Variants in FAM228B observed in about 807,000 individuals in gnomAD.
The protein encoded by FAM228B is protein FAM228B.
FAM228B carries 38 observed loss-of-function variants against 42.6 expected under a neutral mutation model. The observed-to-expected ratio is 0.89, with a 90% CI of 0.69 to 1.17. FAM228B has a LOEUF of 1.17. Ranked by LOEUF, FAM228B falls within the 50% of genes most tolerant of loss-of-function variation. The pLI, the probability that FAM228B is intolerant of heterozygous loss-of-function variation, is 0.00. For synonymous variants in FAM228B, 109 were observed against 122.3 expected (o/e 0.89, Z 0.72); for missense variants, 344 against 367.3 (o/e 0.94, Z 0.52).
intron 3 of FAM228B, among the ~76,000 whole-genome samples, chr2:24,100,529 T>C (rs370386319): frequency 2.0e-5 from 3 of 151,126 alleles, no homozygotes; most frequent in African/African-American, 4.9e-5. Context: ...TCATCACTGG[T>C]CATCAGAGAA....
At chr2:24,119,134 A>G (rs1480835548), upstream of FAM228B, among the ~76,000 whole-genome samples, 1 of 151,184 alleles carries the variant, frequency 6.6e-6, no homozygotes, top group Non-Finnish European at 1.5e-5. Flanking sequence ...TATAGGGTAG[A>G]CCCCCAGCAG....
intron 2 of FAM228B, among the ~76,000 whole-genome samples, chr2:24,087,057 A>C (rs1383465595): frequency 6.6e-6 from 1 of 152,168 alleles, no homozygotes. Flanking sequence ...AATAATACCA[A>C]CCACTAAGTA....
At chr2:24,121,229 T>A, upstream of FAM228B, 2 of 1,614,194 alleles carry the variant, frequency 1.2e-6, no homozygotes, top group Non-Finnish European at 1.7e-6. Flanking sequence ...TGAAATACAG[T>A]CCTTCTCTTC....
Position 24,077,733 on chromosome 2 carries a change from G to A in FAM228B, c.-290+764G>A. 2 of 1,613,912 alleles carry A rather than the reference G, an allele frequency of 1.2e-6. No individual in the cohort carries two copies. The highest frequency in any genetic ancestry group is 2.2e-5 in the South Asian group (2 of 91,070). On this transcript the variant is annotated intron_variant, in intron 1 of 10. Transcript: ENST00000613899. This position sits in a 1 kb window ranked among gnomAD's most constrained non-coding sequence, Gnocchi z 5.5. Reference sequence around the variant, plus strand: ...GGAGAAGTGAGGCAGAATTTGCTCCGTGAAAGCATTCACCAGCATTTGCTT... The same window carrying A: ...GGAGAAGTGAGGCAGAATTTGCTCCATGAAAGCATTCACCAGCATTTGCTT...
chr2:24,129,851 G>A (rs886989198), intron 2 of FAM228B, among the ~76,000 whole-genome samples: 6 of 151,866 alleles, frequency 4.0e-5, no homozygotes, highest in Non-Finnish European at 8.8e-5. Flanking sequence ...AGTGCAGGAC[G>A]TGCAGGTTTG....
chr2:24,138,031 C>T lies in FAM228B; in HGVS notation c.291C>T (p.Cys97=), dbSNP rs979681716. Residue 97 remains cysteine, a synonymous_variant, in exon 4 of 11, where the codon TGC becomes TGT. Transcript: ENST00000615575. ...AGAAGAAAATTATAGAAAAAGTTTGCTCACATAAGAAGATTAAAAAAAGGA... is the reference window on the plus strand; with the variant it reads ...AGAAGAAAATTATAGAAAAAGTTTGTTCACATAAGAAGATTAAAAAAAGGA... ...PLQKKIIEKV[C]SHKKIKKRRQ... is the part of the protein sequence containing the mutation. 3.2e-6 allele frequency: 5 copies of T among 1,546,452 alleles called. No individual in the cohort carries two copies. The African/African-American group carries it at 5.5e-5, about 17-fold the overall frequency.
At chr2:24,108,085 A>C (rs1379119659) in intron 3 of FAM228B, among the ~76,000 whole-genome samples, 1 of 152,206 alleles carries the variant, frequency 6.6e-6, no homozygotes, top group Non-Finnish European at 1.5e-5. Context: ...AGAAATTACA[A>C]AGAGGAGGTT....
Position 24,139,438 on chromosome 2 carries a change from CA to C in FAM228B, c.431del (p.Asn144IlefsTer3). Reference sequence around the variant, plus strand: ...CCTTTTATATGAGCAAGAAGGACCCCAATTTTCTGAAGGTAGGGTAGATTTC... The same window carrying C: ...CCTTTTATATGAGCAAGAAGGACCCCATTTTCTGAAGGTAGGGTAGATTTC... ...DPFYMSKKDP[N>X]FLKVTIPPFH... is the part of the protein sequence containing the mutation. On this transcript the variant is annotated frameshift_variant, in exon 5 of 11. Transcript: ENST00000615575. LOFTEE classifies it high-confidence loss of function. The C allele has an allele frequency of 6.5e-7, 1 of 1,543,906 alleles. No homozygotes were observed. Among genetic ancestry groups the C allele is most frequent in the South Asian group, 1.2e-5 (1 of 83,620 alleles).
At position 24,164,192 on chromosome 2, in the gene FAM228B, C is replaced by A; in HGVS notation, c.795-6C>A. On this transcript the variant is annotated splice_region_variant and splice_polypyrimidine_tract_variant and intron_variant, in intron 8 of 10. Transcript: ENST00000615575. ...GAATCCCTTCCTTTCTGGTTCCTTC[C>A]TGCAGAAACAAAGGGTCATCCTTTC... 6.5e-7 allele frequency: 1 copy of A among 1,545,626 alleles called. No individual in the cohort carries two copies. Among genetic ancestry groups the A allele is most frequent in the Non-Finnish European group, 8.7e-7 (1 of 1,143,770 alleles).
In FAM228B at chr2:24,138,945, CAAAAA is replaced by C. The variant is rs35466262; in HGVS notation, c.361-414_361-410del. On this transcript the variant is annotated intron_variant, in intron 4 of 10. Coordinates refer to ENST00000615575, the MANE Select transcript of FAM228B (RefSeq NM_001145710.2). The stretch of plus-strand genomic sequence containing the variant: ...TGGGTGATGGAGCAAGACTCTGTCT[CAAAAA>C]AAAAAAAAAATTATACTTACAAAAT... 2.2e-5 allele frequency among the ~76,000 whole-genome samples: 3 copies of C among 134,120 alleles called. No individual in the cohort carries two copies. In the East Asian group the frequency reaches 6.7e-4, roughly 30 times the overall value. The allele number at this position is 134,120 out of a possible 152,430, so 88.0% of individuals were successfully genotyped here. A position where few individuals can be genotyped will look rare whatever the true frequency, so the allele number is the denominator to read the frequency against.
At chr2:24,137,642 G>A (rs1015409989) in intron 3 of FAM228B, among the ~76,000 whole-genome samples, 2 of 152,098 alleles carry the variant, frequency 1.3e-5, no homozygotes, top group Non-Finnish European at 2.9e-5. Flanking sequence ...ATAGGCAGGC[G>A]CCACCTTGCC....
intron 3 of FAM228B, chr2:24,115,340 T>C (rs1326581536): frequency 4.0e-6 from 2 of 502,448 alleles, no homozygotes; most frequent in Non-Finnish European, 3.6e-6. Flanking sequence ...ATAGATATGC[T>C]CTGTGAAATG....
At chr2:24,144,492 G>T (rs531920652) in intron 5 of FAM228B, among the ~76,000 whole-genome samples, 2 of 152,276 alleles carry the variant, frequency 1.3e-5, no homozygotes, top group African/African-American at 4.8e-5. Context: ...CCAAAATAGC[G>T]AGTAGAAAAT....
upstream of FAM228B, among the ~76,000 whole-genome samples, chr2:24,121,706 G>A (rs1375500618): frequency 1.3e-5 from 2 of 152,114 alleles, no homozygotes; most frequent in African/African-American, 4.8e-5. Context: ...CCCTCCCTGC[G>A]AGCTGGGGGA....
Position 24,084,353 on chromosome 2 carries a change from G to T in FAM228B, c.-210+3398G>T. ...TTGTCTGAGGACACAGGGCAGGGCA[G>T]GGCAGGACAGGACAGGGCAGGGCAG... On this transcript the variant is annotated intron_variant, in intron 2 of 10. Coordinates refer to the FAM228B transcript ENST00000613899. This position sits in a 1 kb window ranked among gnomAD's most constrained non-coding sequence, Gnocchi z 8.4. 7.2e-7 allele frequency: 1 copy of T among 1,388,986 alleles called. No individual in the cohort carries two copies. 86.0% of individuals were successfully genotyped at this position (1,388,986 alleles called of 1,614,324 possible).
At chr2:24,092,942 A>G (rs1665421243) in intron 2 of FAM228B, among the ~76,000 whole-genome samples, 1 of 151,086 alleles carries the variant, frequency 6.6e-6, no homozygotes, top group Non-Finnish European at 1.5e-5. Flanking sequence ...ACACACACAC[A>G]CACACACACA....
At chr2:24,161,468 A>G in intron 7 of FAM228B, 38 bp from the exon 8 acceptor site, 1 of 1,236,462 alleles carries the variant, frequency 8.1e-7, no homozygotes, top group South Asian at 1.4e-5. Flanking sequence ...AATAAAAAAG[A>G]ACAAAAAAAC....
At position 24,169,287 on chromosome 2, in the gene FAM228B, G is replaced by A. The variant is rs778408720; in HGVS notation, c.*15-69G>A. ...GATCAGCTCAGCTTAGCTGGGGAAC[G>A]CTTTCTGCTCTCGTAAGCCCCTCAT... On this transcript the variant is annotated intron_variant, in intron 10 of 10. Coordinates refer to ENST00000615575, the MANE Select transcript of FAM228B (RefSeq NM_001145710.2). This position sits in a 1 kb window ranked among gnomAD's most constrained non-coding sequence, Gnocchi z 4.2. 7 of 427,912 alleles carry A rather than the reference G, an allele frequency of 1.6e-5. No individual in the cohort carries two copies. The highest frequency in any genetic ancestry group is 4.0e-5 in the African/African-American group (2 of 49,540). 26.5% of individuals were successfully genotyped at this position (427,912 alleles called of 1,614,324 possible).
intron 7 of FAM228B, among the ~76,000 whole-genome samples, chr2:24,154,337 TG>T (rs1296805629): frequency 2.0e-5 from 3 of 152,274 alleles, no homozygotes; most frequent in Non-Finnish European, 4.4e-5. Context: ...TATTTTCACA[TG>T]TTTTTTTGCC....
Sources: allele counts gnomAD v4.1 joint callset (sites outside exome capture counted in the v4.1 genomes callset), GRCh38; gene constraint gnomAD v4.1.1; non-coding constraint Gnocchi (gnomAD v3.1); transcripts MANE v1.5; gene names NCBI Gene and HGNC (gene_info 2026-07-23, HGNC 2026-07-21).